ABCG5: variants seen among roughly 807,000 people sequenced by gnomAD.
ABCG5 encodes the protein ATP binding cassette subfamily G member 5, also known as ATP-binding cassette sub-family G member 5.
In ABCG5, 64 loss-of-function variants were observed where a neutral mutation model predicts 64.5. The observed-to-expected ratio is 0.99, with a 90% confidence interval of 0.81 to 1.22. The LOEUF is 1.22. ABCG5 is among the 50% of genes most tolerant of loss of function. The probability of loss-of-function intolerance (pLI) is 0.00; values close to 1 mark genes in which losing one functional copy is unlikely to be tolerated. For missense variants in ABCG5, 908 were observed against 829.5 expected (o/e 1.09, Z -1.16); for synonymous variants, 385 against 326.3 (o/e 1.18, Z -1.94).
downstream of ABCG5, among the ~76,000 whole-genome samples, chr2:43,811,926 T>C (rs1367266481): frequency 6.6e-6 from 1 of 152,196 alleles, no homozygotes; most frequent in Admixed American, 6.5e-5. Flanking sequence ...TTTACATTAT[T>C]TTATCCTTGA....
downstream of ABCG5, among the ~76,000 whole-genome samples, chr2:43,807,947 C>T (rs1473511708): frequency 6.6e-6 from 1 of 151,964 alleles, no homozygotes; most frequent in Non-Finnish European, 1.5e-5. Flanking sequence ...ATTCCTTTTT[C>T]TCCCTCTGGC....
At chr2:43,821,016 T>G (rs749018444) in intron 10 of ABCG5, among the ~76,000 whole-genome samples, 1 of 152,164 alleles carries the variant, frequency 6.6e-6, no homozygotes, top group Non-Finnish European at 1.5e-5. Flanking sequence ...TTATATTCCT[T>G]TCTCCAAATT....
At chr2:43,837,543 T>C (rs960727357) in intron 2 of ABCG5, among the ~76,000 whole-genome samples, 4 of 152,196 alleles carry the variant, frequency 2.6e-5, no homozygotes, top group Admixed American at 1.3e-4. Flanking sequence ...CTCTAGGCAG[T>C]GTACAGATAG....
intron 2 of ABCG5, among the ~76,000 whole-genome samples, chr2:43,836,561 GC>G (rs1247367398): frequency 6.6e-6 from 1 of 152,172 alleles, no homozygotes; most frequent in East Asian, 1.9e-4. Context: ...CCTCTTCAGG[GC>G]CAATGCAGCC....
At position 43,812,761 on chromosome 2, in the gene ABCG5, C is replaced by T. The variant is rs1666549306; in HGVS notation, c.*355G>A. 1 of 235,164 alleles carries T rather than the reference C, an allele frequency of 4.3e-6. No individual in the cohort carries two copies. Among genetic ancestry groups the T allele is most frequent in the African/African-American group, 2.3e-5 (1 of 43,856 alleles). 14.6% of individuals were successfully genotyped at this position (235,164 alleles called of 1,614,324 possible). A position where few individuals can be genotyped will look rare whatever the true frequency, so the allele number is the denominator to read the frequency against. On this transcript the variant is annotated 3_prime_UTR_variant, in exon 13 of 13. Coordinates refer to ENST00000405322, the MANE Select transcript of ABCG5 (RefSeq NM_022436.3). ...ATTTTATTTTTGCCTAATCCTTTAT[C>T]CAATGTAAACATATTTTTAAGCTGA...
chr2:43,832,115 A>G, intron 2 of ABCG5, 32 bp from the exon 3 acceptor site: 1 of 1,563,880 alleles, frequency 6.4e-7, no homozygotes, highest in African/African-American at 1.4e-5. Context: ...CCCTAGAGGA[A>G]CCACTCTGTG....
At chr2:43,817,891 CAG>C (rs1666947177) in intron 11 of ABCG5, among the ~76,000 whole-genome samples, 1 of 152,090 alleles carries the variant, frequency 6.6e-6, no homozygotes, top group Non-Finnish European at 1.5e-5. Context: ...GCCTGGGTGA[CAG>C]AGCGCGATTC....
At chr2:43,820,430 T>C (rs146708940) in intron 10 of ABCG5, among the ~76,000 whole-genome samples, 5 of 152,266 alleles carry the variant, frequency 3.3e-5, no homozygotes, top group East Asian at 3.9e-4. Context: ...GGCATCTTCA[T>C]AAATAACCAT....
chr2:43,838,730 C>G lies in ABCG5; in HGVS notation c.-51G>C. On this transcript the variant is annotated 5_prime_UTR_variant, in exon 1 of 13. Coordinates refer to ENST00000405322, the MANE Select transcript of ABCG5 (RefSeq NM_022436.3). This position sits in a 1 kb window ranked among gnomAD's most constrained non-coding sequence, Gnocchi z 4.2. ...AATTTTCTGGTGGCCGGACCCTCCC[C>G]AGAGTGGCTTCAGTTGGGGAGCCCG... 1 of 1,602,052 alleles carries G rather than the reference C, an allele frequency of 6.2e-7. No individual in the cohort carries two copies. The highest frequency in any genetic ancestry group is 8.5e-7 in the Non-Finnish European group (1 of 1,174,946).
At position 43,838,286 on chromosome 2, in the gene ABCG5, A is replaced by G. The variant is rs1257092118; in HGVS notation, c.143+251T>C. 1.7e-6 allele frequency: 1 copy of G among 598,672 alleles called. No individual in the cohort carries two copies. Among genetic ancestry groups the G allele is most frequent in the African/African-American group, 1.9e-5 (1 of 53,798 alleles). The allele number at this position is 598,672 out of a possible 1,614,324, so 37.1% of individuals were successfully genotyped here. A position where few individuals can be genotyped will look rare whatever the true frequency, so the allele number is the denominator to read the frequency against. On this transcript the variant is annotated intron_variant, in intron 1 of 12. Transcript: ENST00000405322. The surrounding 1 kb of genome is among the most constrained non-coding windows in gnomAD (Gnocchi z 4.2). ...CATCCACAGAGGGCAGGCCGTAGAC[A>G]CTGGGTTGGCAGGGCACTGCTGCCA...
chr2:43,828,033 G>C lies in ABCG5; in HGVS notation c.584C>G (p.Thr195Arg). ...IGNYSLGGISTGERRRVSIAA... is the reference protein window; with the variant it reads ...IGNYSLGGISRGERRRVSIAA... ...GATGGAGACCCGGCGCCGCTCACCCGTGGAAATGCCCCCCAAGCTGTAGTT... is the reference window on the plus strand; with the variant it reads ...GATGGAGACCCGGCGCCGCTCACCCCTGGAAATGCCCCCCAAGCTGTAGTT... The change falls in exon 5 of 13, where the codon ACG (threonine) becomes AGG (arginine). Residue 195 changes from threonine to arginine, a missense_variant. Coordinates refer to ENST00000405322, the MANE Select transcript of ABCG5 (RefSeq NM_022436.3). 6.2e-7 allele frequency: 1 copy of C among 1,614,104 alleles called. No homozygotes were observed. Among genetic ancestry groups the C allele is most frequent in the Non-Finnish European group, 8.5e-7 (1 of 1,180,038 alleles).
intron 7 of ABCG5, 111 bp downstream of exon 7, chr2:43,824,778 C>T: frequency 1.3e-6 from 2 of 1,539,810 alleles, no homozygotes; most frequent in South Asian, 2.4e-5. Flanking sequence ...GTATAAAACA[C>T]AAAAACAAAA....
rs1215687412 is a variant in ABCG5, at chr2:43,824,377, C to A, written c.960G>T (p.Lys320Asn). Residue 320 changes from lysine (K) to asparagine (N), a missense_variant, in exon 8 of 13, where the codon AAG becomes AAT. Coordinates refer to ENST00000405322, the MANE Select transcript of ABCG5 (RefSeq NM_022436.3). ...QSKEREIETS[K>N]RVQMIESAYK... ...AGGCAGATTCTATCATCTGGACTCT[C>A]TTGGAGGTTTCTATTTCCCGTTCCT... 1.2e-6 allele frequency: 2 copies of A among 1,614,158 alleles called. No individual in the cohort carries two copies. The highest frequency in any genetic ancestry group is 1.7e-6 in the Non-Finnish European group (2 of 1,180,028).
chr2:43,833,927 G>A (rs943583494), intron 2 of ABCG5, among the ~76,000 whole-genome samples: 48 of 152,200 alleles, frequency 3.2e-4, no homozygotes, highest in Admixed American at 1.0e-3. Context: ...CAGGTGATCC[G>A]CCCGCCTCGG....
downstream of ABCG5, chr2:43,810,656 A>T: frequency 1.2e-5 from 4 of 340,238 alleles, no homozygotes; most frequent in Non-Finnish European, 1.7e-5. Context: ...GCAGATAGCA[A>T]GCCATCTGCT....
At chr2:43,822,750 A>C (rs1369994644) in intron 10 of ABCG5, 47 bp downstream of exon 10, 1 of 1,612,844 alleles carries the variant, frequency 6.2e-7, no homozygotes, top group Non-Finnish European at 8.5e-7. Flanking sequence ...CACTAGCTCC[A>C]TGACTCCATG....
chr2:43,814,001 C>A (rs112192937), intron 12 of ABCG5, among the ~76,000 whole-genome samples: 1 of 152,228 alleles, frequency 6.6e-6, no homozygotes, highest in African/African-American at 2.4e-5. Context: ...CAGGCGTGAG[C>A]CACTGTGCCC....
At chr2:43,829,348 A>G (rs189854301) in intron 4 of ABCG5, among the ~76,000 whole-genome samples, 1 of 152,342 alleles carries the variant, frequency 6.6e-6, no homozygotes, top group East Asian at 1.9e-4. Context: ...GTAATTAAAA[A>G]TAATTCCAAT....
At chr2:43,828,731 C>T (rs542388739) in intron 4 of ABCG5, among the ~76,000 whole-genome samples, 24 of 151,824 alleles carry the variant, frequency 1.6e-4, no homozygotes, top group East Asian at 5.8e-4. Context: ...TTTGGGAGGT[C>T]GAGGTGGGTG....
Sources: allele counts gnomAD v4.1 joint callset (sites outside exome capture counted in the v4.1 genomes callset), GRCh38; gene constraint gnomAD v4.1.1; non-coding constraint Gnocchi (gnomAD v3.1); transcripts MANE v1.5; gene names NCBI Gene and HGNC (gene_info 2026-07-23, HGNC 2026-07-21).